Variants in ZNF280C observed in about 807,000 individuals in gnomAD.
The protein encoded by ZNF280C is zinc finger protein 280C.
ZNF280C carries 14 observed loss-of-function variants against 53.6 expected under a neutral mutation model. That is an observed-to-expected ratio of 0.26 (90% CI 0.17 to 0.41). The LOEUF (loss-of-function observed/expected upper bound fraction) is 0.41, where lower values mean the gene tolerates loss of function less well. Among genes scored for constraint, ZNF280C ranks in the 10% least tolerant of loss-of-function variants. The probability of loss-of-function intolerance (pLI) is 1.00; values close to 1 mark genes in which losing one functional copy is unlikely to be tolerated. For synonymous variants in ZNF280C, 203 were observed against 181.1 expected (o/e 1.12, Z -0.97); for missense variants, 416 against 547.1 (o/e 0.76, Z 2.39).
intron 2 of ZNF280C, among the ~76,000 whole-genome samples, chrX:130,251,306 A>AAAAAAC (rs1569439584): frequency 9.7e-6 from 1 of 103,609 alleles, no homozygotes; most frequent in African/African-American, 3.5e-5. Flanking sequence ...AAAAAAAAAA[A>AAAAAAC]AGACCAGCAA....
intron 1 of ZNF280C, among the ~76,000 whole-genome samples, chrX:130,268,146 C>T (rs772395852): frequency 9.0e-6 from 1 of 111,610 alleles, no homozygotes; most frequent in Non-Finnish European, 1.9e-5. Flanking sequence ...CACGTTTCTC[C>T]TCAGGGCTCT....
intron 15 of ZNF280C, among the ~76,000 whole-genome samples, chrX:130,211,969 T>C (rs1402431459): frequency 2.7e-5 from 3 of 111,803 alleles, no homozygotes; most frequent in Admixed American, 1.9e-4. Context: ...ACAATATTAA[T>C]CACAGCAGTG....
chrX:130,225,813 C>T (rs1028835063), intron 12 of ZNF280C, among the ~76,000 whole-genome samples: 1 of 111,971 alleles, frequency 8.9e-6, no homozygotes, highest in Non-Finnish European at 1.9e-5. Flanking sequence ...TCAAGGGCGA[C>T]GTTAGTGCCA....
Position 130,243,545 on chromosome X carries a change from A to C in ZNF280C, c.381+18T>G. ...CAATGTGTCCCTGAATTAATTGTGT[A>C]ATTTTATAAACACTTACAGGTTTAG... On this transcript the variant is annotated intron_variant, in intron 5 of 18. Transcript: ENST00000370978. 8.4e-7 allele frequency: 1 copy of C among 1,194,434 alleles called. No individual in the cohort carries two copies. Among genetic ancestry groups the C allele is most frequent in the South Asian group, 1.8e-5 (1 of 54,356 alleles).
intron 12 of ZNF280C, 94 bp downstream of exon 12, chrX:130,226,665 A>G: frequency 6.7e-6 from 6 of 902,182 alleles, no homozygotes; most frequent in Non-Finnish European, 7.5e-6. Flanking sequence ...GTTCTACGTT[A>G]TAGATAGATA....
intron 1 of ZNF280C, among the ~76,000 whole-genome samples, chrX:130,264,671 ATAT>A (rs1569441925): frequency 9.0e-6 from 1 of 110,720 alleles, no homozygotes; most frequent in East Asian, 2.8e-4. Context: ...AGTAGGGAAT[ATAT>A]TATATATATA....
At chrX:130,227,222 G>A (rs1375958692) in intron 11 of ZNF280C, among the ~76,000 whole-genome samples, 1 of 111,801 alleles carries the variant, frequency 8.9e-6, no homozygotes, top group Non-Finnish European at 1.9e-5. Flanking sequence ...ATATAAAACA[G>A]AGTATTCTCT....
chrX:130,268,519 C>T (rs763998162), intron 1 of ZNF280C, among the ~76,000 whole-genome samples: 1 of 111,997 alleles, frequency 8.9e-6, no homozygotes, highest in South Asian at 3.8e-4. Context: ...CACTGCCCGC[C>T]GCGGGCCGCC....
chrX:130,238,779 ATATGAC>A (rs1045654766), intron 6 of ZNF280C, among the ~76,000 whole-genome samples: 11 of 111,906 alleles, frequency 9.8e-5, no homozygotes, highest in African/African-American at 2.9e-4. Context: ...TTTGGCATTC[ATATGAC>A]TATAATTTTT....
intron 5 of ZNF280C, among the ~76,000 whole-genome samples, chrX:130,241,240 T>C (rs1405904300): frequency 8.9e-6 from 1 of 112,445 alleles, no homozygotes; most frequent in Non-Finnish European, 1.9e-5. Flanking sequence ...TTTAAATTTT[T>C]AAATAAAATT....
chrX:130,205,495 G>A, intron 16 of ZNF280C, 80 bp from the exon 17 acceptor site: 2 of 647,842 alleles, frequency 3.1e-6, no homozygotes, highest in Non-Finnish European at 4.6e-6. Flanking sequence ...ACTTTTCCAT[G>A]TACTAACTTG....
intron 6 of ZNF280C, among the ~76,000 whole-genome samples, 177 bp downstream of exon 6, chrX:130,239,405 A>C (rs1386081598): frequency 9.0e-6 from 1 of 111,701 alleles, no homozygotes; most frequent in Non-Finnish European, 1.9e-5. Flanking sequence ...TTCTATCACT[A>C]AATACAATTT....
At chrX:130,223,565 T>C (rs772936387) in intron 12 of ZNF280C, among the ~76,000 whole-genome samples, 1 of 111,999 alleles carries the variant, frequency 8.9e-6, no homozygotes, top group African/African-American at 3.2e-5. Flanking sequence ...ACCTGCCTCA[T>C]AGGGTGGCTG....
chrX:130,248,448 A>AG lies in ZNF280C; in HGVS notation c.32-1444dup, dbSNP rs2032472386. On this transcript the variant is annotated intron_variant, in intron 2 of 18. Transcript: ENST00000370978. ...AGGGAGAGCTGCTTAGAGAAGTGGT[A>AG]GAGGCAGCACACGAGCCAGAGTGGA... 2.7e-5 allele frequency among the ~76,000 whole-genome samples: 3 copies of AG among 111,140 alleles called. No individual in the cohort carries two copies. In the South Asian group the frequency reaches 1.2e-3, roughly 43 times the overall value.
At chrX:130,232,348 A>T (rs2032286567) in intron 8 of ZNF280C, among the ~76,000 whole-genome samples, 1 of 107,919 alleles carries the variant, frequency 9.3e-6, no homozygotes, top group African/African-American at 3.4e-5. Flanking sequence ...ATCCAATGAG[A>T]TGAAACTAAT....
At chrX:130,234,960 G>A (rs1193149525) in intron 8 of ZNF280C, among the ~76,000 whole-genome samples, 1 of 111,213 alleles carries the variant, frequency 9.0e-6, no homozygotes, top group African/African-American at 3.3e-5. Context: ...TTATTTCTGA[G>A]TGTTGAAAAT....
intron 9 of ZNF280C, 123 bp from the exon 10 acceptor site, chrX:130,229,257 G>T: frequency 1.6e-6 from 1 of 633,663 alleles, no homozygotes; most frequent in Non-Finnish European, 2.3e-6. Context: ...ACATCTCCAA[G>T]GCCTGAAAGC....
intron 3 of ZNF280C, 41 bp downstream of exon 3, chrX:130,246,818 C>T: frequency 8.4e-7 from 1 of 1,190,018 alleles, no homozygotes; most frequent in South Asian, 1.9e-5. Flanking sequence ...TTAGAAACAA[C>T]CATCTTATGA....
At chrX:130,232,819 T>C (rs1017651390) in intron 8 of ZNF280C, among the ~76,000 whole-genome samples, 2 of 111,960 alleles carry the variant, frequency 1.8e-5, no homozygotes, top group Non-Finnish European at 3.8e-5. Context: ...GATCCAGTAA[T>C]CCTACTTCTG....
Sources: allele counts gnomAD v4.1 joint callset (sites outside exome capture counted in the v4.1 genomes callset), GRCh38; gene constraint gnomAD v4.1.1; transcripts MANE v1.5; gene names NCBI Gene and HGNC (gene_info 2026-07-23, HGNC 2026-07-21).